Variants in KLHL29 observed in about 807,000 individuals in gnomAD.
KLHL29 encodes kelch like family member 29, also known as kelch-like protein 29.
A neutral mutation model predicts 80.4 loss-of-function variants in KLHL29; 21 were observed. That is an observed-to-expected ratio of 0.26 (90% CI 0.19 to 0.38). KLHL29 has a LOEUF of 0.38. Among genes scored for constraint, KLHL29 ranks in the 10% least tolerant of loss-of-function variants. The pLI is 1.00. For synonymous variants in KLHL29, 511 were observed against 526.8 expected, an observed-to-expected ratio of 0.97 and a Z score of 0.41; for missense variants, 867 against 1,223.9, an observed-to-expected ratio of 0.71 and a Z score of 4.35.
intron 2 of KLHL29, among the ~76,000 whole-genome samples, chr2:23,525,736 C>G (rs1229505319): frequency 3.7e-5 from 1 of 26,908 alleles, no homozygotes; most frequent in African/African-American, 9.9e-5. Context: ...GCCCCCCCCC[C>G]CCACCCGAGG....
intron 5 of KLHL29, 78 bp downstream of exon 5, chr2:23,642,928 C>A: frequency 6.7e-7 from 1 of 1,496,796 alleles, no homozygotes; most frequent in Non-Finnish European, 9.1e-7. Flanking sequence ...ACCACCGGGA[C>A]AGGGGGTGCT....
rs187667632 is a variant in KLHL29, at chr2:23,467,765, C to T, written c.-153-7795C>T. Among the ~76,000 whole-genome samples, 457 of 152,216 alleles carry T rather than the reference C, an allele frequency of 3.0e-3. 4 individuals carry two copies. The highest frequency in any genetic ancestry group is 0.011 in the African/African-American group (442 of 41,508). Reference sequence around the variant, plus strand: ...GCTGCAGGCGGGATGGGAACAGGGGCTCTGTGAAGGCTGAAATTCAGGGAG... The same window carrying T: ...GCTGCAGGCGGGATGGGAACAGGGGTTCTGTGAAGGCTGAAATTCAGGGAG... On this transcript the variant is annotated intron_variant, in intron 1 of 13. Coordinates refer to ENST00000486442, the MANE Select transcript of KLHL29 (RefSeq NM_052920.2).
At chr2:23,431,396 T>A (rs1477419359) in intron 1 of KLHL29, among the ~76,000 whole-genome samples, 1 of 152,196 alleles carries the variant, frequency 6.6e-6, no homozygotes, top group Non-Finnish European at 1.5e-5. Context: ...AACAAGTGTA[T>A]TTTCTCTGAT....
chr2:23,551,999 C>G (rs569067450), intron 2 of KLHL29, among the ~76,000 whole-genome samples: 1 of 152,362 alleles, frequency 6.6e-6, no homozygotes, highest in South Asian at 2.1e-4. Flanking sequence ...TGCTTAACAC[C>G]AGCAGGATGT....
rs891944638 is a variant in KLHL29 at position 23,707,631 on chromosome 2, C to G, written c.*967C>G. On this transcript the variant is annotated 3_prime_UTR_variant, in exon 14 of 14. Coordinates refer to ENST00000486442, the MANE Select transcript of KLHL29 (RefSeq NM_052920.2). The stretch of plus-strand genomic sequence containing the variant: ...AGAAGAGTCTGCTCTAGAAGGAGCC[C>G]GGTTCTGGCTCAGGACACCGGCCCA... The G allele has an allele frequency of 6.6e-6, 1 of 152,168 alleles. No homozygotes were observed. Among genetic ancestry groups the G allele is most frequent in the East Asian group, 1.9e-4 (1 of 5,184 alleles). 9.4% of individuals were successfully genotyped at this position (152,168 alleles called of 1,614,324 possible).
At position 23,585,196 on chromosome 2, in the gene KLHL29, A is replaced by G. The variant is rs545692816; in HGVS notation, c.285+22715A>G. ...AAGTGACTGCTCGCCAAGAAACCAC[A>G]CCTGTAAAGGTTAGGGCAGTACTCC... On this transcript the variant is annotated intron_variant, in intron 3 of 13. Transcript: ENST00000486442. Among the ~76,000 whole-genome samples, 229 of 152,224 alleles carry G rather than the reference A, an allele frequency of 1.5e-3. 1 individual carries two copies. Among genetic ancestry groups the G allele is most frequent in the African/African-American group, 5.1e-3 (213 of 41,532 alleles).
In KLHL29 at chr2:23,420,920, G is replaced by T. The variant is rs185061966; in HGVS notation, c.-154+35140G>T. Among the ~76,000 whole-genome samples, 630 of 152,142 alleles carry T rather than the reference G, an allele frequency of 4.1e-3. 2 individuals are homozygous for T. Among genetic ancestry groups the T allele is most frequent in the Non-Finnish European group, 6.4e-3 (432 of 67,990 alleles). ...GCATCAATCTCACACCCTCCCAGAA[G>T]CCCTGGCTGCCTCCTCCTCCTCCTT... On this transcript the variant is annotated intron_variant, in intron 1 of 13. Coordinates refer to ENST00000486442, the MANE Select transcript of KLHL29 (RefSeq NM_052920.2).
intron 11 of KLHL29, among the ~76,000 whole-genome samples, chr2:23,699,651 C>A (rs1387493156): frequency 6.6e-6 from 1 of 152,208 alleles, no homozygotes; most frequent in Non-Finnish European, 1.5e-5. Context: ...GTCCTGCACC[C>A]CACATCAGCA....
intron 2 of KLHL29, among the ~76,000 whole-genome samples, chr2:23,510,673 TAGTG>T (rs1170834443): frequency 6.6e-6 from 1 of 152,104 alleles, no homozygotes; most frequent in Non-Finnish European, 1.5e-5. Context: ...GAGCAGAGCT[TAGTG>T]AGTGGCTGGT....
intron 2 of KLHL29, among the ~76,000 whole-genome samples, chr2:23,502,561 C>T (rs1665483508): frequency 6.6e-6 from 1 of 152,256 alleles, no homozygotes; most frequent in South Asian, 2.1e-4. Flanking sequence ...GCCCCTTCAT[C>T]CTCTGACCCG....
At chr2:23,664,242 A>G (rs1670495720) in intron 5 of KLHL29, among the ~76,000 whole-genome samples, 1 of 152,144 alleles carries the variant, frequency 6.6e-6, no homozygotes, top group African/African-American at 2.4e-5. Flanking sequence ...TACACTGCAC[A>G]CTGTCAGGTG....
At chr2:23,505,441 T>G (rs1709328) in intron 2 of KLHL29, among the ~76,000 whole-genome samples, 106,958 of 152,202 alleles carry the variant, frequency 0.7, 37,898 homozygotes, top group African/African-American at 0.78. Context: ...TGCAGGGGCA[T>G]CATGGCTGCA....
At chr2:23,549,961 T>A in intron 2 of KLHL29, among the ~76,000 whole-genome samples, 1 of 152,026 alleles carries the variant, frequency 6.6e-6, no homozygotes, top group Non-Finnish European at 1.5e-5. Flanking sequence ...GAATGGGAAA[T>A]GAATGGAACC....
rs751203720 is a variant in KLHL29 at position 23,706,526 on chromosome 2, C to A, written c.2490C>A (p.Val830=). 6.5e-7 allele frequency: 1 copy of A among 1,535,786 alleles called. No homozygotes were observed. Among genetic ancestry groups the A allele is most frequent in the African/African-American group, 1.4e-5 (1 of 73,006 alleles). Residue 830 remains valine (V), a synonymous_variant, in exon 14 of 14, where the codon GTC becomes GTA. Transcript: ENST00000486442. ...AGATTTATGCAACTGGAGGTATTGT[C>A]AGCAGTGAAGGGCCCGCGCTGGGCA... ...DGKIYATGGI[V]SSEGPALGNM...
chr2:23,564,522 C>G (rs1276345881), intron 3 of KLHL29, among the ~76,000 whole-genome samples: 2 of 152,216 alleles, frequency 1.3e-5, no homozygotes, highest in Non-Finnish European at 2.9e-5. Flanking sequence ...GCCCTGGTCC[C>G]TTGGTGCCCA....
chr2:23,674,029 G>A (rs753572924), intron 5 of KLHL29, among the ~76,000 whole-genome samples: 10 of 152,146 alleles, frequency 6.6e-5, no homozygotes, highest in East Asian at 5.8e-4. Context: ...CAGCTGGGGC[G>A]CTCCTGCTCA....
intron 6 of KLHL29, among the ~76,000 whole-genome samples, chr2:23,687,795 G>T (rs1326299445): frequency 1.3e-5 from 2 of 152,202 alleles, no homozygotes; most frequent in Non-Finnish European, 2.9e-5. Context: ...CCACGTTGCT[G>T]CAGGGCCGGG....
intron 1 of KLHL29, among the ~76,000 whole-genome samples, chr2:23,467,777 T>C (rs369523254): frequency 6.6e-6 from 1 of 152,090 alleles, no homozygotes; most frequent in South Asian, 2.1e-4. Context: ...CTGTGAAGGC[T>C]GAAATTCAGG....
chr2:23,671,541 T>C (rs147215897), intron 5 of KLHL29, among the ~76,000 whole-genome samples: 75 of 152,308 alleles, frequency 4.9e-4, no homozygotes, highest in African/African-American at 1.7e-3. Context: ...AGGAATACCA[T>C]TTCCTCGTCC....
Sources: allele counts gnomAD v4.1 joint callset (sites outside exome capture counted in the v4.1 genomes callset), GRCh38; gene constraint gnomAD v4.1.1; transcripts MANE v1.5; gene names NCBI Gene and HGNC (gene_info 2026-07-23, HGNC 2026-07-21).